The following PDE7B variants were observed in gnomAD, a reference collection of about 807,000 sequenced individuals.
The protein encoded by PDE7B is phosphodiesterase 7B.
PDE7B carries 29 observed loss-of-function variants against 56.2 expected under a neutral mutation model. The ratio of observed to expected loss-of-function variants is 0.52; its 90% CI spans 0.38 to 0.70. PDE7B has a LOEUF of 0.70. Ranked by LOEUF, PDE7B falls within the 30% of genes least tolerant of loss-of-function variation. PDE7B has a pLI of 0.00. For synonymous variants in PDE7B, 197 were observed against 196.9 expected, an observed-to-expected ratio of 1.00 and a Z score of 0.00; for missense variants, 490 against 565.0, an observed-to-expected ratio of 0.87 and a Z score of 1.35.
At chr6:136,121,513 T>C (rs920588342) in intron 3 of PDE7B, among the ~76,000 whole-genome samples, 1 of 152,156 alleles carries the variant, frequency 6.6e-6, no homozygotes, top group East Asian at 1.9e-4. Context: ...TCATCCCTTT[T>C]TAAAAAAAGG....
intron 2 of PDE7B, among the ~76,000 whole-genome samples, chr6:136,060,553 G>T (rs1383194223): frequency 6.6e-6 from 1 of 152,062 alleles, no homozygotes; most frequent in East Asian, 1.9e-4. Flanking sequence ...ACTTTCATGA[G>T]ACAGCAATTT....
At chr6:136,028,555 G>A (rs931266475) in intron 2 of PDE7B, among the ~76,000 whole-genome samples, 1 of 152,180 alleles carries the variant, frequency 6.6e-6, no homozygotes, top group Admixed American at 6.5e-5. Flanking sequence ...TCTTTCTGGA[G>A]GCTCTAAGGG....
intron 2 of PDE7B, among the ~76,000 whole-genome samples, chr6:135,954,354 A>G (rs377623283): frequency 1.3e-5 from 2 of 152,274 alleles, no homozygotes; most frequent in African/African-American, 4.8e-5. Context: ...TCCGGAGTGC[A>G]TCTCTCGAGT....
intron 2 of PDE7B, among the ~76,000 whole-genome samples, chr6:136,008,194 T>G (rs2128206844): frequency 6.6e-6 from 1 of 152,238 alleles, no homozygotes; most frequent in East Asian, 1.9e-4. Context: ...TAGTATTCCA[T>G]GGTGTATATG....
intron 1 of PDE7B, among the ~76,000 whole-genome samples, chr6:135,883,480 G>C (rs1775647548): frequency 6.6e-6 from 1 of 152,182 alleles, no homozygotes; most frequent in Admixed American, 6.5e-5. Context: ...TCTATGAAAA[G>C]TAATTTCTAA....
At position 136,147,048 on chromosome 6, in the gene PDE7B, G is replaced by A. The variant is rs1397100248; in HGVS notation, c.167-303G>A. Among the ~76,000 whole-genome samples the A allele has an allele frequency of 3.9e-5, 6 of 151,996 alleles. No individual in the cohort carries two copies. The East Asian group carries it at 5.8e-4, about 15-fold the overall frequency. On this transcript the variant is annotated intron_variant, in intron 3 of 12. Transcript: ENST00000308191. ...TAGCATCTACTCAGGAGGGTGAGGCGGGAGGATCGCTTGAGCCCAGGAGGC... is the reference window on the plus strand; with the variant it reads ...TAGCATCTACTCAGGAGGGTGAGGCAGGAGGATCGCTTGAGCCCAGGAGGC...
chr6:136,183,003 C>T (rs546814055), intron 11 of PDE7B, among the ~76,000 whole-genome samples: 25 of 140,384 alleles, frequency 1.8e-4, no homozygotes, highest in African/African-American at 6.0e-4. Flanking sequence ...ACCCAGGAGG[C>T]GGAGGTTGCA....
At chr6:135,855,464 T>C (rs1203565496) in intron 1 of PDE7B, among the ~76,000 whole-genome samples, 1 of 152,130 alleles carries the variant, frequency 6.6e-6, no homozygotes, top group African/African-American at 2.4e-5. Flanking sequence ...TCTATGCAAT[T>C]TGGAATTTAA....
At chr6:135,995,909 A>G (rs1775556540) in intron 2 of PDE7B, among the ~76,000 whole-genome samples, 1 of 152,374 alleles carries the variant, frequency 6.6e-6, no homozygotes, top group African/African-American at 2.4e-5. Context: ...GAATTGTTTT[A>G]TAATTTAATT....
At chr6:136,026,960 G>A (rs911969978) in intron 2 of PDE7B, among the ~76,000 whole-genome samples, 5 of 152,230 alleles carry the variant, frequency 3.3e-5, no homozygotes, top group African/African-American at 9.6e-5. Context: ...GGACCTATGG[G>A]AAGTAATATG....
intron 2 of PDE7B, among the ~76,000 whole-genome samples, chr6:136,036,987 G>T (rs891820831): frequency 5.9e-5 from 9 of 152,164 alleles, no homozygotes; most frequent in Non-Finnish European, 8.8e-5. Context: ...TTGTTGAATT[G>T]GTTCTTACTT....
chr6:135,979,850 A>G (rs190628033), intron 2 of PDE7B, among the ~76,000 whole-genome samples: 34 of 152,338 alleles, frequency 2.2e-4, no homozygotes, highest in African/African-American at 7.9e-4. Context: ...AATATCGTGA[A>G]AATGGCCATA....
intron 1 of PDE7B, among the ~76,000 whole-genome samples, chr6:135,872,596 AC>A (rs1775405958): frequency 6.6e-6 from 1 of 152,116 alleles, no homozygotes; most frequent in South Asian, 2.1e-4. Flanking sequence ...TTGCTTCAAG[AC>A]CACACAGAAG....
intron 2 of PDE7B, among the ~76,000 whole-genome samples, chr6:135,964,189 C>T (rs117127835): frequency 1.3e-4 from 20 of 152,086 alleles, no homozygotes; most frequent in South Asian, 1.2e-3. Flanking sequence ...TTGCGACCTC[C>T]GCCACGAGGG....
At chr6:135,858,725 G>A (rs1775085786) in intron 1 of PDE7B, among the ~76,000 whole-genome samples, 2 of 151,470 alleles carry the variant, frequency 1.3e-5, no homozygotes, top group Admixed American at 6.6e-5. Context: ...CCTGTTACAC[G>A]CCCAATTATT....
intron 2 of PDE7B, chr6:136,049,477 A>G (rs1268926780): frequency 1.3e-5 from 2 of 152,090 alleles, no homozygotes; most frequent in African/African-American, 2.4e-5. Context: ...TAAGAAAAAT[A>G]TGGTTTTTTA....
chr6:136,181,772 A>G (rs374018573), intron 11 of PDE7B, among the ~76,000 whole-genome samples: 6 of 152,226 alleles, frequency 3.9e-5, no homozygotes, highest in African/African-American at 1.4e-4. Flanking sequence ...AAAAAAAAAA[A>G]AATAATGAAA....
At chr6:136,043,280 A>G (rs1583844554) in intron 2 of PDE7B, among the ~76,000 whole-genome samples, 1 of 152,286 alleles carries the variant, frequency 6.6e-6, no homozygotes, top group Middle Eastern at 3.4e-3. Context: ...ACTTTGAACT[A>G]AACCTTCTCC....
intron 2 of PDE7B, among the ~76,000 whole-genome samples, chr6:135,964,496 C>T (rs1037880633): frequency 1.4e-4 from 22 of 152,118 alleles, no homozygotes; most frequent in African/African-American, 5.3e-4. Flanking sequence ...TACCCATAAT[C>T]ATTGTGACTC....
Sources: allele counts gnomAD v4.1 joint callset (sites outside exome capture counted in the v4.1 genomes callset), GRCh38; gene constraint gnomAD v4.1.1; transcripts MANE v1.5; gene names NCBI Gene and HGNC (gene_info 2026-07-23, HGNC 2026-07-21).